DYSF: variants seen among roughly 807,000 people sequenced by gnomAD.
DYSF encodes dysferlin, also known as dystrophy-associated fer-1-like 1.
DYSF carries 212 observed loss-of-function variants against 274.9 expected under a neutral mutation model. The observed-to-expected ratio is 0.77, with a 90% confidence interval of 0.69 to 0.86. DYSF has a LOEUF of 0.86. Ranked by LOEUF, DYSF falls within the 40% of genes least tolerant of loss-of-function variation. The probability of loss-of-function intolerance (pLI) is 0.00; values close to 1 mark genes in which losing one functional copy is unlikely to be tolerated. For missense variants in DYSF, 2,666 were observed against 2,783.2 expected, an observed-to-expected ratio of 0.96 and a Z score of 0.95; for synonymous variants, 1,091 against 1,078.7, an observed-to-expected ratio of 1.01 and a Z score of -0.22.
At chr2:71,619,816 G>C (rs1186139580) in intron 40 of DYSF, among the ~76,000 whole-genome samples, 6 of 152,146 alleles carry the variant, frequency 3.9e-5, no homozygotes, top group Admixed American at 3.9e-4. Flanking sequence ...GAGTATCGTA[G>C]TGGTCTCTGA....
At chr2:71,542,942 G>T (rs906736654) in intron 17 of DYSF, among the ~76,000 whole-genome samples, 14 of 151,646 alleles carry the variant, frequency 9.2e-5, no homozygotes, top group Admixed American at 1.3e-4. Flanking sequence ...TTCCCAGAAG[G>T]GGCGGCCGGG....
intron 3 of DYSF, among the ~76,000 whole-genome samples, chr2:71,493,059 A>AT (rs1558995122): frequency 8.6e-6 from 1 of 115,846 alleles, no homozygotes; most frequent in Non-Finnish European, 2.1e-5. Context: ...TTTAATATAT[A>AT]TATTTTTTTT....
chr2:71,567,529 T>C (rs1413123073), intron 24 of DYSF, among the ~76,000 whole-genome samples: 1 of 152,214 alleles, frequency 6.6e-6, no homozygotes, highest in Non-Finnish European at 1.5e-5. Context: ...GGTAGCTACA[T>C]GGGCCTAGTT....
chr2:71,491,381 C>A (rs970091581), intron 3 of DYSF, among the ~76,000 whole-genome samples: 1 of 152,208 alleles, frequency 6.6e-6, no homozygotes, highest in Non-Finnish European at 1.5e-5. Flanking sequence ...AGGCATTTAC[C>A]CAGAGGTGCA....
chr2:71,532,183 A>G (rs2088803736), intron 14 of DYSF, among the ~76,000 whole-genome samples: 2 of 152,130 alleles, frequency 1.3e-5, no homozygotes, highest in African/African-American at 4.8e-5. Flanking sequence ...CATTTGACCT[A>G]TTTTTTGGAC....
chr2:71,681,989 C>T (rs1041917428), intron 54 of DYSF, among the ~76,000 whole-genome samples: 16 of 152,296 alleles, frequency 1.1e-4, no homozygotes, highest in African/African-American at 3.4e-4. Context: ...ATGATGGAGA[C>T]CCAGAATCCT....
chr2:71,670,467 A>G (rs1015599091), intron 51 of DYSF, among the ~76,000 whole-genome samples: 1 of 152,168 alleles, frequency 6.6e-6, no homozygotes, highest in African/African-American at 2.4e-5. Flanking sequence ...CCCATTTTCC[A>G]CATCTGTGCC....
At chr2:71,667,565 C>T (rs1181864721) in intron 48 of DYSF, 50 bp downstream of exon 48, 14 of 1,610,998 alleles carry the variant, frequency 8.7e-6, no homozygotes, top group Non-Finnish European at 1.2e-5. Context: ...CAGAAAGCCC[C>T]AACCCCAGGG....
chr2:71,469,486 A>C (rs538127395), intron 1 of DYSF, among the ~76,000 whole-genome samples: 18 of 152,316 alleles, frequency 1.2e-4, no homozygotes, highest in African/African-American at 4.3e-4. Flanking sequence ...TCCTCATGGC[A>C]CAGATGGGAC....
At chr2:71,527,803 T>G (rs2088126775) in intron 13 of DYSF, among the ~76,000 whole-genome samples, 1 of 152,084 alleles carries the variant, frequency 6.6e-6, no homozygotes, top group Admixed American at 6.5e-5. Flanking sequence ...ATATAAATAA[T>G]CTGGCTGATT....
chr2:71,609,475 G>A (rs960578750), intron 36 of DYSF, among the ~76,000 whole-genome samples: 2 of 152,054 alleles, frequency 1.3e-5, no homozygotes, highest in East Asian at 3.9e-4. Context: ...CAAAAACAAT[G>A]GTACTAACAA....
chr2:71,685,693 C>A (rs1455755238), intron 55 of DYSF, among the ~76,000 whole-genome samples: 1 of 152,176 alleles, frequency 6.6e-6, no homozygotes, highest in African/African-American at 2.4e-5. Context: ...TCAGAGCCAG[C>A]CGGGAGCAGG....
intron 4 of DYSF, 103 bp from the exon 5 acceptor site, chr2:71,511,704 G>A (rs1337791309): frequency 1.2e-6 from 1 of 804,976 alleles, no homozygotes; most frequent in African/African-American, 1.7e-5. Flanking sequence ...TCTTGTCAGA[G>A]CCATATTCCT....
rs1251782344 is a variant in DYSF, at chr2:71,652,656, G to A, written c.4627-3506G>A. Among the ~76,000 whole-genome samples the A allele has an allele frequency of 2.6e-5, 4 of 152,170 alleles. No individual in the cohort carries two copies. In the East Asian group the frequency reaches 5.8e-4, roughly 22 times the overall value. The stretch of plus-strand genomic sequence containing the variant: ...AAAATTAGTTTTAAGTTTAATGCAA[G>A]CCTAACAAAAATTCCAAAGAAACAT... On this transcript the variant is annotated intron_variant, in intron 42 of 55. Coordinates refer to ENST00000410020, the MANE Select transcript of DYSF (RefSeq NM_001130987.2).
chr2:71,658,753 G>A, intron 43 of DYSF, 125 bp from the exon 44 acceptor site: 1 of 1,156,994 alleles, frequency 8.6e-7, no homozygotes, highest in South Asian at 1.3e-5. Context: ...ATCTCCTCCT[G>A]GGTCCCTCCC....
chr2:71,460,727 C>G (rs1259683807), intron 1 of DYSF, among the ~76,000 whole-genome samples: 1 of 152,016 alleles, frequency 6.6e-6, no homozygotes, highest in Admixed American at 6.5e-5. Context: ...CCAGCAGTTG[C>G]TTTTCTGATT....
At chr2:71,613,551 C>T (rs1478531748) in intron 40 of DYSF, 141 bp downstream of exon 40, 2 of 800,696 alleles carry the variant, frequency 2.5e-6, no homozygotes, top group African/African-American at 1.7e-5. Context: ...GGACACTGTC[C>T]AGTAGAGAGA....
At chr2:71,547,100 T>C (rs1189683449) in intron 17 of DYSF, among the ~76,000 whole-genome samples, 2 of 152,354 alleles carry the variant, frequency 1.3e-5, no homozygotes, top group Non-Finnish European at 2.9e-5. Context: ...AAAACACTTG[T>C]GTTTTGGCAG....
chr2:71,501,413 T>A (rs150086192), intron 3 of DYSF, among the ~76,000 whole-genome samples: 99 of 152,320 alleles, frequency 6.5e-4, no homozygotes, highest in African/African-American at 2.3e-3. Flanking sequence ...TTAAGTTTTA[T>A]TATGATAAAT....
Sources: allele counts gnomAD v4.1 joint callset (sites outside exome capture counted in the v4.1 genomes callset), GRCh38; gene constraint gnomAD v4.1.1; transcripts MANE v1.5; gene names NCBI Gene and HGNC (gene_info 2026-07-23, HGNC 2026-07-21).